HUNK: variants seen among roughly 807,000 people sequenced by gnomAD.
HUNK encodes the protein hormonally up-regulated Neu-associated kinase.
Under a neutral mutation model 61.0 loss-of-function variants are expected in HUNK, and 21 were observed. The observed-to-expected ratio is 0.34, with a 90% CI of 0.24 to 0.50. The LOEUF (loss-of-function observed/expected upper bound fraction) is 0.50, where lower values mean the gene tolerates loss of function less well. Among genes scored for constraint, HUNK ranks in the 20% least tolerant of loss-of-function variants. HUNK has a pLI of 0.98. For synonymous variants in HUNK, 371 were observed against 386.1 expected (o/e 0.96, Z 0.46); for missense variants, 772 against 945.7 (o/e 0.82, Z 2.41).
intron 1 of HUNK, among the ~76,000 whole-genome samples, chr21:31,905,485 G>A (rs2052498808): frequency 6.6e-6 from 1 of 152,190 alleles, no homozygotes; most frequent in Non-Finnish European, 1.5e-5. Context: ...AGTCAAGGCC[G>A]GCATCTTATG....
At chr21:31,964,066 G>A (rs984716107) in intron 5 of HUNK, among the ~76,000 whole-genome samples, 2 of 152,100 alleles carry the variant, frequency 1.3e-5, no homozygotes, top group African/African-American at 4.8e-5. Flanking sequence ...GCCTTTTATG[G>A]CTGAGCAGTT....
chr21:31,952,089 AAC>A (rs1166717352), intron 4 of HUNK, among the ~76,000 whole-genome samples: 1 of 152,212 alleles, frequency 6.6e-6, no homozygotes, highest in Non-Finnish European at 1.5e-5. Context: ...AAGGAAAAGA[AAC>A]AACCATTTTG....
At chr21:31,971,893 A>G (rs1002841822) in intron 6 of HUNK, among the ~76,000 whole-genome samples, 2 of 151,442 alleles carry the variant, frequency 1.3e-5, no homozygotes, top group African/African-American at 4.9e-5. Context: ...CAGTGGCGCA[A>G]TCACAGCTCA....
rs747837296 is a variant in HUNK, at chr21:32,002,392, T to G, written c.*3208T>G. The G allele has an allele frequency of 1.3e-5, 2 of 152,170 alleles. No homozygotes were observed. Among genetic ancestry groups the G allele is most frequent in the Admixed American group, 6.5e-5 (1 of 15,268 alleles). 9.4% of individuals were successfully genotyped at this position (152,170 alleles called of 1,614,324 possible). The stretch of plus-strand genomic sequence containing the variant: ...GCGTGAGCCACTGTGCCTGGCCTTA[T>G]GTAAAGCTCTTGACCTAGCATCTGA... On this transcript the variant is annotated 3_prime_UTR_variant, in exon 11 of 11. Transcript: ENST00000270112.
intron 1 of HUNK, among the ~76,000 whole-genome samples, chr21:31,884,712 G>A (rs2052333662): frequency 6.6e-6 from 1 of 152,150 alleles, no homozygotes; most frequent in Admixed American, 6.5e-5. Context: ...ATCAGACACT[G>A]GATCTGCAGG....
chr21:31,931,935 C>T (rs182227023), intron 2 of HUNK, among the ~76,000 whole-genome samples: 4 of 144,360 alleles, frequency 2.8e-5, no homozygotes, highest in Admixed American at 2.7e-4. Context: ...CACACACACA[C>T]GCGCGCCCAC....
At chr21:31,973,237 A>G (rs545037370) in intron 6 of HUNK, among the ~76,000 whole-genome samples, 2 of 152,152 alleles carry the variant, frequency 1.3e-5, no homozygotes, top group East Asian at 1.9e-4. Context: ...ATATATATAC[A>G]TGTGCCATGT....
chr21:31,928,035 G>A (rs537032765), intron 2 of HUNK, among the ~76,000 whole-genome samples: 1 of 152,200 alleles, frequency 6.6e-6, no homozygotes, highest in East Asian at 1.9e-4. Context: ...ATACCCTTGG[G>A]TAGCCTGAGG....
chr21:31,976,154 A>G (rs1026754290), intron 7 of HUNK, among the ~76,000 whole-genome samples: 1 of 152,210 alleles, frequency 6.6e-6, no homozygotes, highest in Non-Finnish European at 1.5e-5. Context: ...CGTGGTCTGT[A>G]TGATGGGGTG....
chr21:31,983,717 A>G, intron 8 of HUNK, 108 bp downstream of exon 8: 2 of 764,764 alleles, frequency 2.6e-6, no homozygotes, highest in African/African-American at 1.7e-5. Flanking sequence ...GTAGCAAAAG[A>G]CACATACTTA....
At chr21:31,955,919 C>G (rs1236683260) in intron 4 of HUNK, among the ~76,000 whole-genome samples, 1 of 152,206 alleles carries the variant, frequency 6.6e-6, no homozygotes, top group Non-Finnish European at 1.5e-5. Context: ...GGGACAGAAT[C>G]TTGGTTTTGT....
At chr21:31,899,399 C>A (rs935950066) in intron 1 of HUNK, among the ~76,000 whole-genome samples, 1 of 152,140 alleles carries the variant, frequency 6.6e-6, no homozygotes, top group Non-Finnish European at 1.5e-5. Context: ...ATGCCTCACT[C>A]CAGTCTCTGC....
chr21:31,971,143 A>G (rs1462241908), intron 6 of HUNK, among the ~76,000 whole-genome samples: 1 of 151,976 alleles, frequency 6.6e-6, no homozygotes, highest in Non-Finnish European at 1.5e-5. Flanking sequence ...CAGTGGTGCA[A>G]TCTCGGCTCA....
At chr21:31,938,465 T>C (rs2052746586) in intron 2 of HUNK, among the ~76,000 whole-genome samples, 1 of 152,190 alleles carries the variant, frequency 6.6e-6, no homozygotes. Context: ...CTGGCAGTGT[T>C]GGGACCGAGC....
At chr21:31,905,640 A>G (rs1240815671) in intron 1 of HUNK, among the ~76,000 whole-genome samples, 1 of 152,190 alleles carries the variant, frequency 6.6e-6, no homozygotes, top group African/African-American at 2.4e-5. Context: ...AGCATTCATT[A>G]TTCCCAGCCA....
intron 8 of HUNK, among the ~76,000 whole-genome samples, chr21:31,984,353 A>T (rs2053118566): frequency 6.6e-6 from 1 of 152,192 alleles, no homozygotes; most frequent in African/African-American, 2.4e-5. Context: ...TCCCATAAAA[A>T]AGATGTATAA....
chr21:31,891,675 G>T (rs537936544), intron 1 of HUNK, among the ~76,000 whole-genome samples: 2 of 152,168 alleles, frequency 1.3e-5, no homozygotes, highest in Non-Finnish European at 2.9e-5. Flanking sequence ...GTTATGTTGC[G>T]AATATTGTCT....
In HUNK at chr21:31,927,867, G is replaced by A. The variant is rs145386151; in HGVS notation, c.554+3107G>A. Among the ~76,000 whole-genome samples, 422 of 152,188 alleles carry A rather than the reference G, an allele frequency of 2.8e-3. 5 individuals carry two copies. Among genetic ancestry groups the A allele is most frequent in the African/African-American group, 9.6e-3 (397 of 41,524 alleles). ...GGCACCATTCAGGCCAATCATTTCCGCCTCACCAAGGTGAGAGCACCTCTT... is the reference window on the plus strand; with the variant it reads ...GGCACCATTCAGGCCAATCATTTCCACCTCACCAAGGTGAGAGCACCTCTT... On this transcript the variant is annotated intron_variant, in intron 2 of 10. Coordinates refer to ENST00000270112, the MANE Select transcript of HUNK (RefSeq NM_014586.2).
intron 9 of HUNK, among the ~76,000 whole-genome samples, chr21:31,991,036 TGTGA>T (rs780602113): frequency 2.2e-4 from 33 of 152,220 alleles, no homozygotes; most frequent in Non-Finnish European, 4.1e-4. Context: ...AGAATCCTGT[TGTGA>T]GTGAGTTTAT....
Sources: allele counts gnomAD v4.1 joint callset (sites outside exome capture counted in the v4.1 genomes callset), GRCh38; gene constraint gnomAD v4.1.1; transcripts MANE v1.5; gene names NCBI Gene and HGNC (gene_info 2026-07-23, HGNC 2026-07-21).